The following CAMTA1 variants were observed in gnomAD, a reference collection of about 807,000 sequenced individuals.
CAMTA1 encodes calmodulin binding transcription activator 1.
CAMTA1 carries 27 observed loss-of-function variants against 170.9 expected under a neutral mutation model. That is an observed-to-expected ratio of 0.16 (90% CI 0.12 to 0.22). CAMTA1 has a LOEUF of 0.22. CAMTA1 is among the 10% of genes least tolerant of loss of function. The probability of loss-of-function intolerance (pLI) is 1.00; values close to 1 mark genes in which losing one functional copy is unlikely to be tolerated. For synonymous variants in CAMTA1, 833 were observed against 891.5 expected (o/e 0.93, Z 1.17); for missense variants, 1,619 against 2,217.2 (o/e 0.73, Z 5.42).
At chr1:7,508,003 T>C (rs2094146215) in intron 6 of CAMTA1, among the ~76,000 whole-genome samples, 1 of 152,256 alleles carries the variant, frequency 6.6e-6, no homozygotes, top group African/African-American at 2.4e-5. Flanking sequence ...CACCAAGTCA[T>C]GACGATACCA....
chr1:6,950,043 C>T (rs1279104623), intron 3 of CAMTA1, among the ~76,000 whole-genome samples: 1 of 152,236 alleles, frequency 6.6e-6, no homozygotes, highest in Non-Finnish European at 1.5e-5. Context: ...CCCTATGACA[C>T]CCAAGGAAGG....
intron 6 of CAMTA1, among the ~76,000 whole-genome samples, chr1:7,557,807 GC>G (rs78302979): frequency 0.14 from 21,347 of 152,206 alleles, 1,799 homozygotes; most frequent in East Asian, 0.43. Flanking sequence ...TTCTGGAGGG[GC>G]TGGCAGGAGG....
At chr1:6,894,590 C>T (rs1247059681) in intron 3 of CAMTA1, among the ~76,000 whole-genome samples, 2 of 152,312 alleles carry the variant, frequency 1.3e-5, no homozygotes, top group Non-Finnish European at 2.9e-5. Context: ...GCTGATTTGA[C>T]GGCTTCTTTC....
intron 6 of CAMTA1, among the ~76,000 whole-genome samples, chr1:7,498,365 ATGTGTG>A (rs55793745): frequency 8.7e-5 from 13 of 148,930 alleles, no homozygotes; most frequent in South Asian, 4.3e-4. Flanking sequence ...GTGAGTGTGG[ATGTGTG>A]TGTATGAGTG....
At chr1:7,062,022 A>G (rs1459453510) in intron 3 of CAMTA1, among the ~76,000 whole-genome samples, 1 of 151,942 alleles carries the variant, frequency 6.6e-6, no homozygotes, top group Admixed American at 6.5e-5. Flanking sequence ...GGTTCAAGTG[A>G]TTCTCCTGCC....
intron 5 of CAMTA1, among the ~76,000 whole-genome samples, chr1:7,331,489 A>G (rs1396537882): frequency 6.6e-6 from 1 of 152,214 alleles, no homozygotes; most frequent in Non-Finnish European, 1.5e-5. Flanking sequence ...AAAACTGAGG[A>G]AAATTAAAAC....
At position 6,785,476 on chromosome 1, in the gene CAMTA1, C is replaced by A. The variant is rs1638865161; in HGVS notation, c.-55C>A. 9.9e-7 allele frequency: 1 copy of A among 1,005,256 alleles called. No homozygotes were observed. Among genetic ancestry groups the A allele is most frequent in the Non-Finnish European group, 1.2e-6 (1 of 836,924 alleles). 62.3% of individuals were successfully genotyped at this position (1,005,256 alleles called of 1,614,324 possible). On this transcript the variant is annotated 5_prime_UTR_variant, in exon 1 of 23. Coordinates refer to ENST00000303635, the MANE Select transcript of CAMTA1 (RefSeq NM_015215.4). ...GGCGGCGGCGGGGTGGCTGGGCCGGCGGCGGCGGCGGTACGAGGCGCGCGC... is the reference window on the plus strand; with the variant it reads ...GGCGGCGGCGGGGTGGCTGGGCCGGAGGCGGCGGCGGTACGAGGCGCGCGC...
At chr1:7,499,306 A>G (rs1247439072) in intron 6 of CAMTA1, among the ~76,000 whole-genome samples, 3 of 48,712 alleles carry the variant, frequency 6.2e-5, no homozygotes, top group Non-Finnish European at 3.6e-5. Context: ...GTGTATGTAT[A>G]TGAGTGTGTG....
At chr1:7,499,042 T>C (rs2093908612) in intron 6 of CAMTA1, among the ~76,000 whole-genome samples, 1 of 115,002 alleles carries the variant, frequency 8.7e-6, no homozygotes, top group South Asian at 2.9e-4. Context: ...GTAGAGAGGA[T>C]TGTGTGAGCC....
At chr1:7,536,415 C>T (rs1232013618) in intron 6 of CAMTA1, among the ~76,000 whole-genome samples, 3 of 152,174 alleles carry the variant, frequency 2.0e-5, no homozygotes, top group Admixed American at 1.3e-4. Context: ...GCGTCCCTGC[C>T]GCTGCAGCCT....
chr1:7,664,895 T>C lies in CAMTA1; in HGVS notation c.2348T>C (p.Val783Ala). 1 of 1,613,162 alleles carries C rather than the reference T, an allele frequency of 6.2e-7. No individual in the cohort carries two copies. The highest frequency in any genetic ancestry group is 8.5e-7 in the Non-Finnish European group (1 of 1,179,976). ...GACCTGATCAACGACTTCATCTCCG[T>C]GGAGGGGGGCAGCAGCACCATCTAT... ...FSDLINDFIS[V>A]EGGSSTIYGH... The change falls in exon 9 of 23, where the codon GTG (valine) becomes GCG (alanine). Residue 783 changes from valine (V) to alanine (A), a missense_variant. Val to Ala is a moderately conservative substitution (Grantham distance 64). Coordinates refer to ENST00000303635, the MANE Select transcript of CAMTA1 (RefSeq NM_015215.4).
intron 3 of CAMTA1, among the ~76,000 whole-genome samples, chr1:7,015,573 G>A (rs980551585): frequency 6.6e-6 from 1 of 152,180 alleles, no homozygotes; most frequent in East Asian, 1.9e-4. Context: ...TTGGGGCTGT[G>A]CCGTTCCATG....
chr1:7,665,099 T>TGGTCTCGGCCGCCTCGGC lies in CAMTA1; in HGVS notation c.2553_2570dup (p.Val852_Ala857dup), dbSNP rs2095989817. On this transcript the variant is annotated inframe_insertion, in exon 9 of 23. Coordinates refer to ENST00000303635, the MANE Select transcript of CAMTA1 (RefSeq NM_015215.4). This position sits in a 1 kb window ranked among gnomAD's most constrained non-coding sequence, Gnocchi z 4.3. ...ATGGCCTACATGCACGTCGCCGAGG[T>TGGTCTCGGCCGCCTCGGC]GGTCTCGGCCGCCTCGGCCCAGGGC... 6 of 1,537,886 alleles carry TGGTCTCGGCCGCCTCGGC rather than the reference T, an allele frequency of 3.9e-6. No individual in the cohort carries two copies. Among genetic ancestry groups the TGGTCTCGGCCGCCTCGGC allele is most frequent in the Non-Finnish European group, 5.2e-6 (6 of 1,144,088 alleles).
At chr1:6,998,429 G>A (rs947750789) in intron 3 of CAMTA1, among the ~76,000 whole-genome samples, 1 of 152,078 alleles carries the variant, frequency 6.6e-6, no homozygotes, top group African/African-American at 2.4e-5. Flanking sequence ...CGTGCTCTCC[G>A]CACATGCCAT....
chr1:6,970,095 C>T lies in CAMTA1; in HGVS notation c.235-121209C>T, dbSNP rs373960895. Among the ~76,000 whole-genome samples, 7 of 152,180 alleles carry T rather than the reference C, an allele frequency of 4.6e-5. No individual in the cohort carries two copies. The highest frequency in any genetic ancestry group is 3.3e-4 in the Admixed American group (5 of 15,284). On this transcript the variant is annotated intron_variant, in intron 3 of 22. Transcript: ENST00000303635. The surrounding 1 kb of genome is among the most constrained non-coding windows in gnomAD (Gnocchi z 4.4). Reference sequence around the variant, plus strand: ...TCCCAGGATCTCTAACCCCAGTCAACCACTAATTTGTTCACCATCTCTGTA... The same window carrying T: ...TCCCAGGATCTCTAACCCCAGTCAATCACTAATTTGTTCACCATCTCTGTA...
chr1:7,765,606 T>C (rs913517937), intron 22 of CAMTA1, among the ~76,000 whole-genome samples: 2 of 152,180 alleles, frequency 1.3e-5, no homozygotes, highest in African/African-American at 4.8e-5. Flanking sequence ...TAAGGAATTA[T>C]AAAAATCAAA....
intron 4 of CAMTA1, among the ~76,000 whole-genome samples, chr1:7,154,844 C>T (rs1646772617): frequency 6.6e-6 from 1 of 152,224 alleles, no homozygotes; most frequent in Non-Finnish European, 1.5e-5. Context: ...CTCTCAGCTC[C>T]TCAGGGAGTC....
intron 3 of CAMTA1, among the ~76,000 whole-genome samples, chr1:6,925,207 A>T (rs919336837): frequency 6.6e-6 from 1 of 152,194 alleles, no homozygotes; most frequent in East Asian, 1.9e-4. Flanking sequence ...TCTAGGGGGA[A>T]TGGGGCCATG....
rs534844498 is a variant in CAMTA1, at chr1:7,173,667, C to T, written c.303-75824C>T. On this transcript the variant is annotated intron_variant, in intron 4 of 22. Coordinates refer to ENST00000303635, the MANE Select transcript of CAMTA1 (RefSeq NM_015215.4). This position sits in a 1 kb window ranked among gnomAD's most constrained non-coding sequence, Gnocchi z 5.4. ...CCTCCCAAAGTGCTGAGATTACAGGCGTGAGCCACCGTGCCCAGCCCAGAG... is the reference window on the plus strand; with the variant it reads ...CCTCCCAAAGTGCTGAGATTACAGGTGTGAGCCACCGTGCCCAGCCCAGAG... Among the ~76,000 whole-genome samples the T allele has an allele frequency of 3.3e-5, 5 of 152,030 alleles. No individual in the cohort carries two copies. The highest frequency in any genetic ancestry group is 1.2e-4 in the African/African-American group (5 of 41,464).
Sources: gnomAD v4.1 joint callset for allele counts (sites outside exome capture counted in the v4.1 genomes callset) on GRCh38, gnomAD v4.1.1 for gene constraint, Gnocchi (gnomAD v3.1) non-coding constraint, MANE v1.5 for transcripts, NCBI Gene and HGNC (gene_info 2026-07-23, HGNC 2026-07-21) for gene names.